Variants in TRAF3 observed in about 807,000 individuals in gnomAD.
TRAF3 encodes the protein TNF receptor-associated factor 3.
TRAF3 carries 13 observed loss-of-function variants against 62.3 expected under a neutral mutation model. That is an observed-to-expected ratio of 0.21 (90% CI 0.14 to 0.33). The LOEUF is 0.33. TRAF3 is among the 10% of genes least tolerant of loss of function. TRAF3 has a pLI of 1.00. For missense variants in TRAF3, 440 were observed against 741.8 expected (o/e 0.59, Z 4.73); for synonymous variants, 269 against 283.4 (o/e 0.95, Z 0.51).
At chr14:102,870,470 C>G (rs199699162) in intron 3 of TRAF3, 24 bp downstream of exon 3, 1 of 1,610,376 alleles carries the variant, frequency 6.2e-7, no homozygotes, top group South Asian at 1.1e-5. Context: ...CCCGGCCCGT[C>G]GCCCGGCCCC....
chr14:102,812,021 C>G (rs1173509419), intron 1 of TRAF3, among the ~76,000 whole-genome samples: 1 of 141,790 alleles, frequency 7.1e-6, no homozygotes, highest in Non-Finnish European at 1.5e-5. Context: ...CTTCAGCCTC[C>G]CAAAACACTG....
chr14:102,817,209 T>C (rs1435385239), intron 1 of TRAF3, among the ~76,000 whole-genome samples: 1 of 152,030 alleles, frequency 6.6e-6, no homozygotes, highest in Non-Finnish European at 1.5e-5. Flanking sequence ...GAGATATATT[T>C]GAGAATTATG....
intron 2 of TRAF3, among the ~76,000 whole-genome samples, chr14:102,862,475 C>T (rs1002496214): frequency 9.9e-5 from 15 of 151,608 alleles, no homozygotes; most frequent in African/African-American, 3.1e-4. Flanking sequence ...ACCTTTCGGC[C>T]TCCATGGCTT....
intron 2 of TRAF3, among the ~76,000 whole-genome samples, chr14:102,859,661 G>C (rs537645257): frequency 6.6e-6 from 1 of 152,084 alleles, no homozygotes; most frequent in Non-Finnish European, 1.5e-5. Context: ...GAATTAAAAG[G>C]CATTACGCTT....
chr14:102,893,226 A>G (rs1016669825), intron 9 of TRAF3, among the ~76,000 whole-genome samples: 1 of 151,882 alleles, frequency 6.6e-6, no homozygotes, highest in Non-Finnish European at 1.5e-5. Flanking sequence ...CTACCAAAAA[A>G]AAAAAATACA....
intron 1 of TRAF3, among the ~76,000 whole-genome samples, chr14:102,786,009 C>T (rs538273769): frequency 6.6e-5 from 10 of 152,174 alleles, no homozygotes; most frequent in Admixed American, 6.5e-4. Flanking sequence ...AGGGTTGAGA[C>T]GACAAGCTTC....
At chr14:102,856,318 C>G (rs1161356023) in intron 2 of TRAF3, among the ~76,000 whole-genome samples, 1 of 152,032 alleles carries the variant, frequency 6.6e-6, no homozygotes, top group African/African-American at 2.4e-5. Flanking sequence ...GTGGATTATT[C>G]ATGAGTTTTA....
intron 1 of TRAF3, among the ~76,000 whole-genome samples, chr14:102,803,688 C>T (rs1342327222): frequency 1.3e-5 from 2 of 151,734 alleles, no homozygotes; most frequent in Admixed American, 6.6e-5. Flanking sequence ...TGGGTGTGCA[C>T]CCTGCACCCA....
In TRAF3 at chr14:102,817,440, G is replaced by A. The variant is rs551648848; in HGVS notation, c.-156-12894G>A. On this transcript the variant is annotated intron_variant, in intron 1 of 11. Transcript: ENST00000392745. Reference sequence around the variant, plus strand: ...TGCTGGGGACACATTAGCACTTACCGTGCTCTGGAAGGCAGGGTGTTCAGG... The same window carrying A: ...TGCTGGGGACACATTAGCACTTACCATGCTCTGGAAGGCAGGGTGTTCAGG... Among the ~76,000 whole-genome samples the A allele has an allele frequency of 1.3e-4, 20 of 152,226 alleles. No homozygotes were observed. In the South Asian group the frequency reaches 2.3e-3, roughly 17 times the overall value.
intron 2 of TRAF3, among the ~76,000 whole-genome samples, chr14:102,843,944 TA>T (rs1243924482): frequency 1.3e-5 from 2 of 152,232 alleles, no homozygotes; most frequent in Non-Finnish European, 2.9e-5. Flanking sequence ...TAAGATATCA[TA>T]AAAGGATATT....
In TRAF3 at chr14:102,791,020, C is replaced by CT. The variant is rs559815933; in HGVS notation, c.-157+13361dup. On this transcript the variant is annotated intron_variant, in intron 1 of 11. Transcript: ENST00000392745. Reference sequence around the variant, plus strand: ...ATGAACGTGAGATGTCTTTTCTTTTCTTTTTTTTTTTTTTTTCGAGAGGGA... The same window carrying CT: ...ATGAACGTGAGATGTCTTTTCTTTTCTTTTTTTTTTTTTTTTTCGAGAGGGA... 8.6e-3 allele frequency among the ~76,000 whole-genome samples: 1,112 copies of CT among 129,816 alleles called. 5 individuals carry two copies. The highest frequency in any genetic ancestry group is 0.012 in the Admixed American group (150 of 12,902). 85.2% of individuals were successfully genotyped at this position (129,816 alleles called of 152,430 possible). A position where few individuals can be genotyped will look rare whatever the true frequency, so the allele number is the denominator to read the frequency against.
chr14:102,787,706 A>C (rs1026630467), intron 1 of TRAF3, among the ~76,000 whole-genome samples: 9 of 151,406 alleles, frequency 5.9e-5, no homozygotes, highest in South Asian at 2.1e-4. Context: ...AACAACAACA[A>C]CACTTCGATT....
intron 2 of TRAF3, among the ~76,000 whole-genome samples, chr14:102,832,320 T>A (rs1194174060): frequency 6.6e-6 from 1 of 152,206 alleles, no homozygotes; most frequent in Non-Finnish European, 1.5e-5. Flanking sequence ...AAGAAAAGTA[T>A]CTTTTTAACA....
intron 7 of TRAF3, among the ~76,000 whole-genome samples, chr14:102,887,230 G>C (rs1889445438): frequency 6.6e-6 from 1 of 152,210 alleles, no homozygotes. Flanking sequence ...CTGGATGTGT[G>C]GTACGCTGAT....
At chr14:102,893,115 A>G (rs1194497387) in intron 9 of TRAF3, among the ~76,000 whole-genome samples, 2 of 152,046 alleles carry the variant, frequency 1.3e-5, no homozygotes, top group African/African-American at 2.4e-5. Context: ...GTGGCCGGGC[A>G]TGGTGGCTCA....
At chr14:102,809,026 A>T (rs906868843) in intron 1 of TRAF3, 1 of 149,770 alleles carries the variant, frequency 6.7e-6, no homozygotes, top group Non-Finnish European at 1.5e-5. Context: ...TCGCTCTGTC[A>T]CCCAGGCTGG....
At chr14:102,851,501 T>G (rs1887035606) in intron 2 of TRAF3, among the ~76,000 whole-genome samples, 1 of 152,102 alleles carries the variant, frequency 6.6e-6, no homozygotes. Context: ...TCCCAGCACT[T>G]TGGGAGGCCG....
At chr14:102,837,149 TTG>T (rs1566765681) in intron 2 of TRAF3, among the ~76,000 whole-genome samples, 3 of 136,980 alleles carry the variant, frequency 2.2e-5, no homozygotes, top group African/African-American at 7.6e-5. Flanking sequence ...TGTGTTTTTT[TTG>T]GGGGGGGGTG....
chr14:102,882,075 A>G (rs962627140), intron 6 of TRAF3, among the ~76,000 whole-genome samples: 3 of 152,202 alleles, frequency 2.0e-5, no homozygotes, highest in African/African-American at 4.8e-5. Flanking sequence ...TATGGGAAGT[A>G]CTGGGACTGT....
Sources: gnomAD v4.1 joint callset for allele counts (sites outside exome capture counted in the v4.1 genomes callset) on GRCh38, gnomAD v4.1.1 for gene constraint, MANE v1.5 for transcripts, NCBI Gene and HGNC (gene_info 2026-07-23, HGNC 2026-07-21) for gene names.